Variants in TENM3 observed in about 807,000 individuals in gnomAD.
TENM3 encodes the protein teneurin transmembrane protein 3, also known as teneurin-3.
TENM3 carries 63 observed loss-of-function variants against 255.1 expected under a neutral mutation model. That is an observed-to-expected ratio of 0.25 (90% CI 0.20 to 0.30). The LOEUF is 0.30. Among genes scored for constraint, TENM3 ranks in the 10% least tolerant of loss-of-function variants. TENM3 has a pLI of 1.00. For missense variants in TENM3, 2,929 were observed against 3,461.1 expected (o/e 0.85, Z 3.86); for synonymous variants, 1,306 against 1,322.3 (o/e 0.99, Z 0.27).
At chr4:181,809,415 T>G in the TENM3 span, among the ~76,000 whole-genome samples, 2 of 152,182 alleles carry the variant, frequency 1.3e-5, no homozygotes, top group Admixed American at 1.3e-4. Flanking sequence ...TACATATAAT[T>G]ATCACAATTA....
At chr4:182,768,783 A>G (rs1763933403) in intron 22 of TENM3, among the ~76,000 whole-genome samples, 1 of 152,178 alleles carries the variant, frequency 6.6e-6, no homozygotes, top group African/African-American at 2.4e-5. Context: ...CAAACAGATA[A>G]ACATCAAATA....
At chr4:182,455,711 A>G (rs2061297) in intron 3 of TENM3, among the ~76,000 whole-genome samples, 112,454 of 151,664 alleles carry the variant, frequency 0.74, 42,819 homozygotes, top group East Asian at 0.93. Flanking sequence ...ACAGGCGTGC[A>G]CCAACACACC....
chr4:181,640,092 G>A, the TENM3 span, among the ~76,000 whole-genome samples: 1 of 152,320 alleles, frequency 6.6e-6, no homozygotes, highest in South Asian at 2.1e-4. Context: ...GAAGACAGTT[G>A]AATGAACAGG....
the TENM3 span, among the ~76,000 whole-genome samples, chr4:181,728,536 C>T: frequency 2.0e-5 from 3 of 152,172 alleles, no homozygotes; most frequent in Non-Finnish European, 4.4e-5. Context: ...CTGATGTTGC[C>T]ATGGCATTTA....
At chr4:182,508,612 G>C (rs1428740196) in intron 3 of TENM3, among the ~76,000 whole-genome samples, 1 of 152,172 alleles carries the variant, frequency 6.6e-6, no homozygotes, top group Non-Finnish European at 1.5e-5. Flanking sequence ...TCTGATAGAT[G>C]CATATTAGTA....
chr4:181,878,796 T>C, the TENM3 span, among the ~76,000 whole-genome samples: 3 of 152,088 alleles, frequency 2.0e-5, no homozygotes, highest in African/African-American at 7.2e-5. Context: ...CCTACCTACC[T>C]GTCTATCTAC....
At chr4:182,263,932 G>GA (rs145969569) in intron 1 of TENM3, among the ~76,000 whole-genome samples, 10 of 150,534 alleles carry the variant, frequency 6.6e-5, no homozygotes, top group African/African-American at 1.7e-4. Context: ...TGGCCAGAAC[G>GA]AAAAAAAAAT....
At chr4:181,814,295 A>G in the TENM3 span, among the ~76,000 whole-genome samples, 161 of 152,260 alleles carry the variant, frequency 1.1e-3, no homozygotes, top group East Asian at 5.2e-3. Flanking sequence ...GATACAATAT[A>G]TTATATTATT....
chr4:181,746,307 A>T, the TENM3 span, among the ~76,000 whole-genome samples: 1 of 152,114 alleles, frequency 6.6e-6, no homozygotes, highest in Non-Finnish European at 1.5e-5. Context: ...TTGGTATTCA[A>T]ATGGGAGAGG....
chr4:181,598,263 T>C, the TENM3 span, among the ~76,000 whole-genome samples: 1 of 152,154 alleles, frequency 6.6e-6, no homozygotes, highest in East Asian at 1.9e-4. Context: ...TAATATCCCA[T>C]AGTATTTCTC....
At chr4:182,744,638 G>A (rs2152738084) in intron 19 of TENM3, among the ~76,000 whole-genome samples, 1 of 152,284 alleles carries the variant, frequency 6.6e-6, no homozygotes. Flanking sequence ...ATACGATTAT[G>A]TGAACATGTG....
In TENM3 at chr4:182,327,931, A is replaced by G. The variant is rs560280749; in HGVS notation, c.232+3679A>G. Reference sequence around the variant, plus strand: ...TTCCTCTGCTGCAGCTCTGTGGGCTATGCACATGTTCTGTAGTATTCTTGA... The same window carrying G: ...TTCCTCTGCTGCAGCTCTGTGGGCTGTGCACATGTTCTGTAGTATTCTTGA... On this transcript the variant is annotated intron_variant, in intron 2 of 27. Coordinates refer to ENST00000511685, the MANE Select transcript of TENM3 (RefSeq NM_001080477.4). 5.3e-5 allele frequency among the ~76,000 whole-genome samples: 8 copies of G among 152,340 alleles called. No individual in the cohort carries two copies. In the South Asian group the frequency reaches 1.4e-3, roughly 28 times the overall value.
the TENM3 span, among the ~76,000 whole-genome samples, chr4:181,861,546 GT>G: frequency 6.6e-6 from 1 of 152,020 alleles, no homozygotes; most frequent in Non-Finnish European, 1.5e-5. Flanking sequence ...ATTTGTTCAA[GT>G]TTTTTCTCTT....
At chr4:181,824,834 G>C in the TENM3 span, among the ~76,000 whole-genome samples, 6 of 152,110 alleles carry the variant, frequency 3.9e-5, no homozygotes, top group Non-Finnish European at 7.3e-5. Flanking sequence ...GCCATGTCCT[G>C]GTGGAAAGTA....
chr4:182,264,587 G>GA (rs1759115128), intron 1 of TENM3, among the ~76,000 whole-genome samples: 9 of 152,306 alleles, frequency 5.9e-5, no homozygotes, highest in Admixed American at 5.2e-4. Context: ...TAAGGTTTTT[G>GA]CCCTTTCCCA....
intron 1 of TENM3, among the ~76,000 whole-genome samples, chr4:182,167,017 G>A (rs1409155762): frequency 2.0e-5 from 3 of 152,286 alleles, no homozygotes; most frequent in Non-Finnish European, 4.4e-5. Flanking sequence ...CTACCTATAA[G>A]ATAGAGTTAA....
At chr4:182,563,975 C>A (rs1384164828) in intron 3 of TENM3, among the ~76,000 whole-genome samples, 1 of 152,164 alleles carries the variant, frequency 6.6e-6, no homozygotes, top group African/African-American at 2.4e-5. Flanking sequence ...ATCCTTCGCT[C>A]CTGCCAATCA....
the TENM3 span, among the ~76,000 whole-genome samples, chr4:181,545,741 A>G: frequency 1.6e-4 from 25 of 152,256 alleles, no homozygotes; most frequent in Non-Finnish European, 3.1e-4. Context: ...TTTTTACATT[A>G]CAGCAGAATA....
At chr4:181,621,360 CT>C in the TENM3 span, among the ~76,000 whole-genome samples, 1 of 152,162 alleles carries the variant, frequency 6.6e-6, no homozygotes, top group Non-Finnish European at 1.5e-5. Flanking sequence ...TTGTTTAATA[CT>C]TTTTTCATAA....
Sources: allele counts gnomAD v4.1 joint callset (sites outside exome capture counted in the v4.1 genomes callset), GRCh38; gene constraint gnomAD v4.1.1; transcripts MANE v1.5; gene names NCBI Gene and HGNC (gene_info 2026-07-23, HGNC 2026-07-21).